The following NRG1 variants were observed in gnomAD, a reference collection of about 807,000 sequenced individuals.
The protein encoded by NRG1 is neuregulin 1, also known as pro-neuregulin-1, membrane-bound isoform.
NRG1 carries 18 observed loss-of-function variants against 63.8 expected under a neutral mutation model. The observed-to-expected ratio is 0.28, with a 90% CI of 0.19 to 0.42. The LOEUF (loss-of-function observed/expected upper bound fraction) is 0.42, where lower values mean the gene tolerates loss of function less well. Ranked by LOEUF, NRG1 falls within the 10% of genes least tolerant of loss-of-function variation. NRG1 has a pLI of 1.00. For synonymous variants in NRG1, 302 were observed against 301.3 expected (o/e 1.00, Z -0.02); for missense variants, 762 against 814.7 (o/e 0.94, Z 0.79).
rs1331880953 is a variant in NRG1 at position 32,732,878 on chromosome 8, G to A, written c.632+4800G>A. Reference sequence around the variant, plus strand: ...GCTGGAGTGCAATGGTGCAGTCTCAGCTCACTGAAACCTCTGCCTCCCAGG... The same window carrying A: ...GCTGGAGTGCAATGGTGCAGTCTCAACTCACTGAAACCTCTGCCTCCCAGG... On this transcript the variant is annotated intron_variant, in intron 6 of 11. Transcript: ENST00000356819. Among the ~76,000 whole-genome samples, 4 of 135,686 alleles carry A rather than the reference G, an allele frequency of 2.9e-5. No homozygotes were observed. The South Asian group carries it at 9.6e-4, about 32-fold the overall frequency. The allele number at this position is 135,686 out of a possible 152,430, so 89.0% of individuals were successfully genotyped here.
At chr8:32,244,112 T>G (rs1156279116) in intron 1 of NRG1, among the ~76,000 whole-genome samples, 2 of 152,182 alleles carry the variant, frequency 1.3e-5, no homozygotes, top group Non-Finnish European at 2.9e-5. Context: ...CAATCAAATT[T>G]ATTTGATCCT....
rs35663919 is a variant in NRG1, at chr8:32,747,732, G to GTATATATATATA, written c.691+5014_691+5025dup. Among the ~76,000 whole-genome samples the GTATATATATATA allele has an allele frequency of 5.3e-3, 705 of 132,060 alleles. 2 individuals carry two copies. Among genetic ancestry groups the GTATATATATATA allele is most frequent in the East Asian group, 0.025 (107 of 4,338 alleles). The allele number at this position is 132,060 out of a possible 152,430, so 86.6% of individuals were successfully genotyped here. ...TGTTTGTGTGCATATATGTGTGTGTGTATATATATATATATATATATATAT... is the reference window on the plus strand; with the variant it reads ...TGTTTGTGTGCATATATGTGTGTGTGTATATATATATATATATATATATATATATATATATAT... On this transcript the variant is annotated intron_variant, in intron 7 of 11. Coordinates refer to ENST00000356819, the Ensembl canonical transcript of NRG1.
intron 1 of NRG1, among the ~76,000 whole-genome samples, chr8:31,981,399 C>T (rs1809073501): frequency 6.6e-6 from 1 of 151,848 alleles, no homozygotes; most frequent in African/African-American, 2.4e-5. Flanking sequence ...TCCTGAGTGG[C>T]CATCTTCAAC....
At chr8:31,777,620 G>T (rs1232890954) in intron 1 of NRG1, among the ~76,000 whole-genome samples, 3 of 152,222 alleles carry the variant, frequency 2.0e-5, no homozygotes, top group Non-Finnish European at 4.4e-5. Context: ...AAAGAAAAGA[G>T]GTTTATTTGG....
chr8:31,849,696 T>C (rs113984049), intron 1 of NRG1, among the ~76,000 whole-genome samples: 207 of 152,272 alleles, frequency 1.4e-3, no homozygotes, highest in African/African-American at 4.5e-3. Flanking sequence ...GACGATGGGA[T>C]GTTTGCTGTA....
intron 1 of NRG1, among the ~76,000 whole-genome samples, chr8:31,970,239 C>A (rs1172651067): frequency 6.6e-6 from 1 of 152,092 alleles, no homozygotes; most frequent in Non-Finnish European, 1.5e-5. Flanking sequence ...ATATAGATTA[C>A]AACCATTTTC....
intron 1 of NRG1, among the ~76,000 whole-genome samples, chr8:32,245,541 G>A (rs1243938821): frequency 2.0e-5 from 3 of 152,094 alleles, no homozygotes; most frequent in African/African-American, 4.8e-5. Flanking sequence ...GTATAATATG[G>A]CTAAGAGATA....
chr8:32,590,998 C>T (rs893985004), intron 1 of NRG1, among the ~76,000 whole-genome samples: 2 of 152,264 alleles, frequency 1.3e-5, no homozygotes, highest in Non-Finnish European at 2.9e-5. Flanking sequence ...TTGAGCTCTG[C>T]CCTGAGTGAG....
rs140493430 is a variant in NRG1 at position 32,042,267 on chromosome 8, A to G, written c.37+402836A>G. On this transcript the variant is annotated intron_variant, in intron 1 of 10. Transcript: ENST00000519301. ...TGAGACCAGCTTGGCCAACAGTGAG[A>G]CCAGGTTGCTAGGAAAAAGAAAAAA... is the stretch of plus-strand genomic sequence containing the variant. 8.2e-3 allele frequency among the ~76,000 whole-genome samples: 1,251 copies of G among 152,046 alleles called. 19 individuals carry two copies. Among genetic ancestry groups the G allele is most frequent in the African/African-American group, 0.029 (1,191 of 41,480 alleles).
chr8:31,928,349 T>C (rs1834569507), intron 1 of NRG1, among the ~76,000 whole-genome samples: 1 of 66,464 alleles, frequency 1.5e-5, no homozygotes, highest in African/African-American at 8.4e-5. Context: ...GGCATGGATG[T>C]GGTAAAAAAA....
At chr8:32,508,990 C>T (rs1286448696) in intron 1 of NRG1, among the ~76,000 whole-genome samples, 1 of 152,186 alleles carries the variant, frequency 6.6e-6, no homozygotes, top group African/African-American at 2.4e-5. Context: ...CCACTTCAGC[C>T]TCCCAAAGTG....
intron 1 of NRG1, among the ~76,000 whole-genome samples, chr8:31,966,851 T>TG (rs1170290489): frequency 3.4e-5 from 2 of 59,240 alleles, no homozygotes; most frequent in Non-Finnish European, 9.0e-5. Context: ...CAATTCTCAG[T>TG]GGTTTTTTTT....
chr8:32,129,169 A>T (rs1324186461), intron 1 of NRG1, among the ~76,000 whole-genome samples: 1 of 152,014 alleles, frequency 6.6e-6, no homozygotes, highest in Non-Finnish European at 1.5e-5. Flanking sequence ...TCAGGTTCAT[A>T]AAAAGAGCTC....
intron 1 of NRG1, among the ~76,000 whole-genome samples, chr8:31,996,257 T>C (rs1454281689): frequency 1.3e-5 from 2 of 151,998 alleles, no homozygotes; most frequent in Admixed American, 6.6e-5. Flanking sequence ...CTATGTTCTT[T>C]ATATTGGCAC....
At chr8:32,456,788 T>C (rs1821652352) in intron 1 of NRG1, among the ~76,000 whole-genome samples, 1 of 152,144 alleles carries the variant, frequency 6.6e-6, no homozygotes, top group Admixed American at 6.6e-5. Flanking sequence ...CCAGCATCCA[T>C]GTTGTTCAAG....
intron 1 of NRG1, among the ~76,000 whole-genome samples, chr8:31,728,591 A>C (rs918034736): frequency 6.6e-6 from 1 of 152,082 alleles, no homozygotes; most frequent in East Asian, 1.9e-4. Flanking sequence ...GGGTGCATCA[A>C]TGTATGAAAG....
chr8:32,704,574 T>TCTTGGTTTCCCAAGAATC (rs746987863), intron 5 of NRG1, among the ~76,000 whole-genome samples: 1 of 152,164 alleles, frequency 6.6e-6, no homozygotes, highest in Non-Finnish European at 1.5e-5. Flanking sequence ...AAAAGCAAAT[T>TCTTGGTTTCCCAAGAATC]CTTGGTTTCC....
chr8:31,857,881 T>C (rs994278190), intron 1 of NRG1, among the ~76,000 whole-genome samples: 4 of 151,958 alleles, frequency 2.6e-5, no homozygotes, highest in Non-Finnish European at 2.9e-5. Flanking sequence ...GAACATACAG[T>C]GTAGTGGTGA....
intron 1 of NRG1, among the ~76,000 whole-genome samples, chr8:31,985,269 T>C (rs952686843): frequency 6.6e-6 from 1 of 152,048 alleles, no homozygotes; most frequent in South Asian, 2.1e-4. Context: ...ACTTAAGAAT[T>C]CTAGTTCTAT....
Sources: allele counts gnomAD v4.1 joint callset (sites outside exome capture counted in the v4.1 genomes callset), GRCh38; gene constraint gnomAD v4.1.1; transcripts MANE v1.5; gene names NCBI Gene and HGNC (gene_info 2026-07-23, HGNC 2026-07-21).